The following ATG3 variants were observed in gnomAD, a reference collection of about 807,000 sequenced individuals.
ATG3 encodes the protein autophagy related 3.
Under a neutral mutation model 50.7 loss-of-function variants are expected in ATG3, and 25 were observed. That is an observed-to-expected ratio of 0.49 (90% CI 0.36 to 0.69). The LOEUF (loss-of-function observed/expected upper bound fraction) is 0.69. ATG3 is among the 30% of genes least tolerant of loss of function. ATG3 has a pLI of 0.00. For missense variants in ATG3, 281 were observed against 376.0 expected, an observed-to-expected ratio of 0.75 and a Z score of 2.09; for synonymous variants, 119 against 125.5, an observed-to-expected ratio of 0.95 and a Z score of 0.34.
At chr3:112,558,005 G>GA (rs1374484569) in intron 2 of ATG3, 1 of 168,808 alleles carries the variant, frequency 5.9e-6, no homozygotes, top group African/African-American at 2.4e-5. Flanking sequence ...GTTTTCCAAT[G>GA]AAAAGCATGA....
At chr3:112,556,834 C>G (rs1451919548) in intron 2 of ATG3, among the ~76,000 whole-genome samples, 3 of 151,408 alleles carry the variant, frequency 2.0e-5, no homozygotes, top group Non-Finnish European at 2.9e-5. Flanking sequence ...GCAGCATGCT[C>G]GTTAAGAGTC....
At chr3:112,546,635 AAAAGCAAGGAT>A (rs1024638298) in intron 5 of ATG3, among the ~76,000 whole-genome samples, 1 of 152,226 alleles carries the variant, frequency 6.6e-6, no homozygotes, top group Admixed American at 6.5e-5. Context: ...AACGCCCAGG[AAAAGCAAGGAT>A]AAAGCAAGGG....
At chr3:112,561,115 C>T (rs559935563) in intron 1 of ATG3, among the ~76,000 whole-genome samples, 2 of 152,310 alleles carry the variant, frequency 1.3e-5, no homozygotes, top group South Asian at 2.1e-4. Flanking sequence ...AAAATCCTTG[C>T]TTAAAAAGGC....
intron 2 of ATG3, among the ~76,000 whole-genome samples, chr3:112,553,689 G>C (rs779702004): frequency 6.6e-6 from 1 of 151,932 alleles, no homozygotes; most frequent in Non-Finnish European, 1.5e-5. Flanking sequence ...CCATTTTAAG[G>C]ATACAAAAAT....
intron 11 of ATG3, chr3:112,533,027 C>T (rs1450744938): frequency 8.9e-7 from 1 of 1,122,292 alleles, no homozygotes; most frequent in East Asian, 5.7e-5. Flanking sequence ...TTCATATAAG[C>T]ACAATTACTT....
At chr3:112,542,945 T>G (rs142259947) in intron 6 of ATG3, among the ~76,000 whole-genome samples, 1 of 152,068 alleles carries the variant, frequency 6.6e-6, no homozygotes, top group Non-Finnish European at 1.5e-5. Flanking sequence ...ATTTGTGTTA[T>G]TTCTCCGTAA....
chr3:112,557,883 C>T (rs546955843), intron 2 of ATG3, among the ~76,000 whole-genome samples: 68 of 151,642 alleles, frequency 4.5e-4, no homozygotes, highest in African/African-American at 1.6e-3. Flanking sequence ...CTGATAAAAC[C>T]ATAATTATTC....
chr3:112,538,321 T>C (rs1339885438), intron 7 of ATG3, 141 bp from the exon 8 acceptor site: 2 of 631,562 alleles, frequency 3.2e-6, no homozygotes, highest in Non-Finnish European at 2.7e-6. Context: ...AATAGATAGA[T>C]ATAAGTGAGC....
chr3:112,544,570 C>T (rs958793430), intron 5 of ATG3, among the ~76,000 whole-genome samples: 2 of 140,792 alleles, frequency 1.4e-5, no homozygotes, highest in Non-Finnish European at 3.0e-5. Flanking sequence ...AGGAGAATCG[C>T]TTGGACCCGG....
At chr3:112,533,761 G>A in intron 11 of ATG3, 1 of 985,336 alleles carries the variant, frequency 1.0e-6, no homozygotes, top group African/African-American at 1.7e-5. Context: ...AGAAAACTGA[G>A]TAGGAAAACT....
At chr3:112,555,439 C>G (rs936922524) in intron 2 of ATG3, among the ~76,000 whole-genome samples, 7 of 152,136 alleles carry the variant, frequency 4.6e-5, no homozygotes, top group African/African-American at 1.4e-4. Flanking sequence ...AATATTTACA[C>G]CTTGGTGAGC....
Position 112,534,249 on chromosome 3 carries a change from TTACA to T in ATG3, c.863+16_863+19del. On this transcript the variant is annotated intron_variant, in intron 11 of 11. Coordinates refer to ENST00000283290, the MANE Select transcript of ATG3 (RefSeq NM_022488.5). Reference sequence around the variant, plus strand: ...GTTAACAGCCATTTTGCCACTAATCTTACATACAGGGAAGGATACATATGAACTC... The same window carrying T: ...GTTAACAGCCATTTTGCCACTAATCTTACAGGGAAGGATACATATGAACTC... 1.3e-6 allele frequency: 2 copies of T among 1,596,194 alleles called. No homozygotes were observed. Among genetic ancestry groups the T allele is most frequent in the Non-Finnish European group, 1.7e-6 (2 of 1,172,572 alleles).
intron 3 of ATG3, among the ~76,000 whole-genome samples, chr3:112,550,721 C>G (rs1216205048): frequency 6.6e-6 from 1 of 152,106 alleles, no homozygotes; most frequent in African/African-American, 2.4e-5. Context: ...CTGGCAAAAT[C>G]CCTGTTCCTA....
chr3:112,534,224 G>GT (rs779550990), intron 11 of ATG3, 45 bp downstream of exon 11: 44 of 1,528,238 alleles, frequency 2.9e-5, no homozygotes, highest in Non-Finnish European at 3.7e-5. Context: ...AAAAAAAATC[G>GT]TTAACAGCCA....
chr3:112,553,426 G>GT, intron 2 of ATG3, 97 bp from the exon 3 acceptor site: 1 of 962,982 alleles, frequency 1.0e-6, no homozygotes, highest in East Asian at 2.4e-5. Context: ...GATGGCACTA[G>GT]GTAACACTGA....
intron 5 of ATG3, 117 bp from the exon 6 acceptor site, chr3:112,544,223 AAAT>A (rs1440642991): frequency 1.3e-6 from 1 of 764,186 alleles, no homozygotes; most frequent in South Asian, 1.9e-5. Context: ...ATAAGGAGGC[AAAT>A]AATAGTAGTA....
chr3:112,533,215 G>A (rs2082568952), intron 11 of ATG3: 1 of 985,266 alleles, frequency 1.0e-6, no homozygotes, highest in African/African-American at 1.7e-5. Context: ...ACTGATTCTA[G>A]GTTAGTGTAT....
At chr3:112,558,484 G>A (rs1933748431) in intron 1 of ATG3, 67 bp from the exon 2 acceptor site, 1 of 1,276,330 alleles carries the variant, frequency 7.8e-7, no homozygotes, top group Non-Finnish European at 1.1e-6. Context: ...TATTTTGGGG[G>A]CAATTATTTG....
chr3:112,552,633 A>AG (rs1313432407), intron 3 of ATG3, among the ~76,000 whole-genome samples: 3 of 150,868 alleles, frequency 2.0e-5, no homozygotes, highest in Non-Finnish European at 4.4e-5. Flanking sequence ...TTTAAAAAAA[A>AG]AAAACCTGTT....
Sources: allele counts gnomAD v4.1 joint callset (sites outside exome capture counted in the v4.1 genomes callset), GRCh38; gene constraint gnomAD v4.1.1; transcripts MANE v1.5; gene names NCBI Gene and HGNC (gene_info 2026-07-23, HGNC 2026-07-21).